RNF11: variants seen among roughly 807,000 people sequenced by gnomAD.
The protein encoded by RNF11 is ring finger protein 11.
In RNF11, 4 loss-of-function variants were observed where a neutral mutation model predicts 15.8. The ratio of observed to expected loss-of-function variants is 0.25; its 90% confidence interval spans 0.12 to 0.58. RNF11 has a LOEUF of 0.58. RNF11 is among the 20% of genes least tolerant of loss of function. The pLI is 0.91. For synonymous variants in RNF11, 68 were observed against 72.3 expected, an observed-to-expected ratio of 0.94 and a Z score of 0.30; for missense variants, 139 against 194.4, an observed-to-expected ratio of 0.71 and a Z score of 1.70.
rs776076952 is a variant in RNF11, at chr1:51,236,747, G to C, written c.-10G>C. Reference sequence around the variant, plus strand: ...CTCCTCCCCCAGATCACGCACCCCAGCTCCGGAAGATGGGGAACTGCCTCA... The same window carrying C: ...CTCCTCCCCCAGATCACGCACCCCACCTCCGGAAGATGGGGAACTGCCTCA... On this transcript the variant is annotated 5_prime_UTR_variant, in exon 1 of 3. Coordinates refer to ENST00000242719, the MANE Select transcript of RNF11 (RefSeq NM_014372.5). The C allele has an allele frequency of 6.2e-6, 10 of 1,612,574 alleles. No homozygotes were observed. In the Admixed American group the frequency reaches 1.5e-4, roughly 24 times the overall value.
At chr1:51,237,226 A>G (rs1172289615) in intron 1 of RNF11, among the ~76,000 whole-genome samples, 3 of 151,614 alleles carry the variant, frequency 2.0e-5, no homozygotes, top group South Asian at 4.2e-4. Flanking sequence ...CGCACCGCCA[A>G]CTGGATTATG....
chr1:51,236,807 C>G lies in RNF11; in HGVS notation c.51C>G (p.His17Gln). 1 of 1,613,434 alleles carries G rather than the reference C, an allele frequency of 6.2e-7. No individual in the cohort carries two copies. The change falls in exon 1 of 3, where the codon CAC becomes CAG. Residue 17 changes from histidine (H) to glutamine (Q), a missense_variant. Coordinates refer to ENST00000242719, the MANE Select transcript of RNF11 (RefSeq NM_014372.5). ...CCTCGGATGACATCTCCCTGCTTCA[C>G]GAGTCTCAGTCCGACCGGGCTAGCT... ...SPTSDDISLL[H>Q]ESQSDRASFG... is the part of the protein sequence containing the mutation.
chr1:51,236,733 G>T lies in RNF11; in HGVS notation c.-24G>T. 1 of 1,609,454 alleles carries T rather than the reference G, an allele frequency of 6.2e-7. No individual in the cohort carries two copies. Among genetic ancestry groups the T allele is most frequent in the South Asian group, 1.1e-5 (1 of 90,556 alleles). On this transcript the variant is annotated 5_prime_UTR_variant, in exon 1 of 3. Transcript: ENST00000242719. Reference sequence around the variant, plus strand: ...CCCACCGCTGCTTTCTCCTCCCCCAGATCACGCACCCCAGCTCCGGAAGAT... The same window carrying T: ...CCCACCGCTGCTTTCTCCTCCCCCATATCACGCACCCCAGCTCCGGAAGAT...
At chr1:51,268,906 ATGGGGAGAATCATGACGT>A (rs1371618430) in intron 1 of RNF11, among the ~76,000 whole-genome samples, 1 of 152,224 alleles carries the variant, frequency 6.6e-6, no homozygotes, top group Non-Finnish European at 1.5e-5. Flanking sequence ...GAGAATCATG[ATGGGGAGAATCATGACGT>A]TGGGGAGATG....
At chr1:51,244,149 A>G (rs890232472) in intron 1 of RNF11, among the ~76,000 whole-genome samples, 3 of 152,204 alleles carry the variant, frequency 2.0e-5, no homozygotes, top group African/African-American at 4.8e-5. Context: ...TTAGAATTCA[A>G]GTCTGGTTCA....
chr1:51,254,996 C>G (rs573308025), intron 1 of RNF11, among the ~76,000 whole-genome samples: 1 of 152,162 alleles, frequency 6.6e-6, no homozygotes, highest in African/African-American at 2.4e-5. Flanking sequence ...GAATAGAATA[C>G]TTGCATAGAA....
chr1:51,266,762 G>A (rs139545243), intron 1 of RNF11, among the ~76,000 whole-genome samples: 325 of 152,240 alleles, frequency 2.1e-3, no homozygotes, highest in Middle Eastern at 3.4e-3. Context: ...TGTGCCAGGC[G>A]CATTAGCAAT....
chr1:51,254,426 A>G (rs759387334), intron 1 of RNF11, among the ~76,000 whole-genome samples: 6 of 152,092 alleles, frequency 3.9e-5, no homozygotes, highest in Admixed American at 2.0e-4. Context: ...CTGGGACTAC[A>G]GGTGTATGCC....
intron 1 of RNF11, among the ~76,000 whole-genome samples, chr1:51,254,529 G>A (rs900694969): frequency 5.9e-5 from 9 of 151,788 alleles, no homozygotes; most frequent in African/African-American, 2.2e-4. Flanking sequence ...GCAGGATCTC[G>A]GCTCACTGCA....
At chr1:51,260,603 G>T (rs1202838792) in intron 1 of RNF11, among the ~76,000 whole-genome samples, 1 of 152,198 alleles carries the variant, frequency 6.6e-6, no homozygotes, top group Non-Finnish European at 1.5e-5. Context: ...TGCATCCAGA[G>T]TCTTTAATTA....
At chr1:51,263,593 T>C (rs1646940500) in intron 1 of RNF11, among the ~76,000 whole-genome samples, 1 of 152,218 alleles carries the variant, frequency 6.6e-6, no homozygotes, top group Non-Finnish European at 1.5e-5. Flanking sequence ...TCTTTCATTA[T>C]ATCTTTTACA....
chr1:51,250,394 G>A (rs1316713326), intron 1 of RNF11, among the ~76,000 whole-genome samples: 1 of 152,158 alleles, frequency 6.6e-6, no homozygotes, highest in Non-Finnish European at 1.5e-5. Flanking sequence ...CTCTGGAATT[G>A]TAGATCTGTT....
At chr1:51,248,734 A>G (rs1257510467) in intron 1 of RNF11, among the ~76,000 whole-genome samples, 1 of 152,182 alleles carries the variant, frequency 6.6e-6, no homozygotes, top group African/African-American at 2.4e-5. Flanking sequence ...TAGCTTCTGT[A>G]TCCTTTGGAT....
chr1:51,270,105 A>T lies in RNF11; in HGVS notation c.273A>T (p.Gly91=), dbSNP rs1321438150. The part of the protein sequence containing the change: ...PKGVYDPGRD[G]SEKKIRECVI... ...GAGTTTATGACCCTGGAAGAGATGG[A>T]TCAGAAAAAAAGATCCGGGAGTAAG... Residue 91 remains glycine (G), a synonymous_variant, in exon 2 of 3, where the codon GGA becomes GGT. Coordinates refer to ENST00000242719, the MANE Select transcript of RNF11 (RefSeq NM_014372.5). The T allele has an allele frequency of 6.3e-7, 1 of 1,596,982 alleles. No homozygotes were observed. Among genetic ancestry groups the T allele is most frequent in the East Asian group, 2.2e-5 (1 of 44,728 alleles).
At chr1:51,237,787 T>C (rs1435677345) in intron 1 of RNF11, among the ~76,000 whole-genome samples, 1 of 152,168 alleles carries the variant, frequency 6.6e-6, no homozygotes, top group Non-Finnish European at 1.5e-5. Flanking sequence ...TTAGATGATA[T>C]TGAATACACC....
intron 1 of RNF11, 93 bp from the exon 2 acceptor site, chr1:51,269,863 A>G: frequency 9.6e-7 from 1 of 1,046,722 alleles, no homozygotes. Context: ...TACCCCTCCC[A>G]GGGCTCCCTT....
chr1:51,248,025 G>T (rs956442490), intron 1 of RNF11, among the ~76,000 whole-genome samples: 13 of 149,986 alleles, frequency 8.7e-5, no homozygotes, highest in Non-Finnish European at 7.4e-5. Flanking sequence ...GGAAGAAAAA[G>T]AAGCAGTTTA....
Position 51,252,805 on chromosome 1 carries a change from T to TTGTGTGTGTGTG in RNF11, c.123+15946_123+15957dup, listed in dbSNP as rs145075866. ...TCTTTTGTGAAGTCTTTTGTCCAGT[T>TTGTGTGTGTGTG]TGTGTGTGTGTGTGTGTGTGTGTGT... On this transcript the variant is annotated intron_variant, in intron 1 of 2. Transcript: ENST00000242719. 5.2e-3 allele frequency among the ~76,000 whole-genome samples: 743 copies of TTGTGTGTGTGTG among 144,012 alleles called. 6 individuals carry two copies. The highest frequency in any genetic ancestry group is 7.2e-3 in the Non-Finnish European group (471 of 65,556). 94.5% of individuals were successfully genotyped at this position (144,012 alleles called of 152,430 possible).
At chr1:51,263,233 T>C (rs1193215587) in intron 1 of RNF11, among the ~76,000 whole-genome samples, 5 of 152,226 alleles carry the variant, frequency 3.3e-5, no homozygotes, top group Non-Finnish European at 7.3e-5. Flanking sequence ...CATAACACTG[T>C]TATTCACAGT....
Sources: allele counts gnomAD v4.1 joint callset (sites outside exome capture counted in the v4.1 genomes callset), GRCh38; gene constraint gnomAD v4.1.1; transcripts MANE v1.5; gene names NCBI Gene and HGNC (gene_info 2026-07-23, HGNC 2026-07-21).